SFXN2: variants seen among roughly 807,000 people sequenced by gnomAD.
SFXN2 encodes sideroflexin-2.
SFXN2 carries 37 observed loss-of-function variants against 41.9 expected under a neutral mutation model. The ratio of observed to expected loss-of-function variants is 0.88; its 90% CI spans 0.68 to 1.16. The LOEUF is 1.16. Ranked by LOEUF, SFXN2 falls within the 50% of genes most tolerant of loss-of-function variation. SFXN2 has a pLI of 0.00. For synonymous variants in SFXN2, 150 were observed against 156.7 expected, an observed-to-expected ratio of 0.96 and a Z score of 0.32; for missense variants, 386 against 425.2, an observed-to-expected ratio of 0.91 and a Z score of 0.81.
chr10:102,729,306 T>A lies in SFXN2; in HGVS notation c.432-13T>A. 6 of 1,613,570 alleles carry A rather than the reference T, an allele frequency of 3.7e-6. No homozygotes were observed. Among genetic ancestry groups the A allele is most frequent in the Non-Finnish European group, 5.1e-6 (6 of 1,179,680 alleles). ...CAGGGGCCCCACTCCCAAGCATCTC[T>A]CTCCTCCCCCAGGCAGATGGCCCTT... is the stretch of plus-strand genomic sequence containing the variant. On this transcript the variant is annotated splice_polypyrimidine_tract_variant and intron_variant, in intron 4 of 11. Coordinates refer to ENST00000369893, the MANE Select transcript of SFXN2 (RefSeq NM_178858.6).
chr10:102,732,519 G>A (rs1369862732), intron 8 of SFXN2, among the ~76,000 whole-genome samples: 1 of 152,198 alleles, frequency 6.6e-6, no homozygotes, highest in Non-Finnish European at 1.5e-5. Flanking sequence ...CCCTGCTTTG[G>A]TTTGCTTCCA....
intron 11 of SFXN2, among the ~76,000 whole-genome samples, chr10:102,737,220 C>T (rs2064792915): frequency 6.6e-6 from 1 of 152,042 alleles, no homozygotes; most frequent in South Asian, 2.1e-4. Flanking sequence ...ACCGAAACCC[C>T]TCTATTTCCT....
intron 9 of SFXN2, among the ~76,000 whole-genome samples, chr10:102,733,293 G>A (rs1476198656): frequency 1.4e-5 from 2 of 143,670 alleles, no homozygotes; most frequent in Non-Finnish European, 3.0e-5. Context: ...GACTACAGGT[G>A]CCTGCCACCA....
intron 1 of SFXN2, among the ~76,000 whole-genome samples, chr10:102,717,962 A>C (rs1250433288): frequency 6.6e-6 from 1 of 152,234 alleles, no homozygotes; most frequent in Admixed American, 6.5e-5. Flanking sequence ...AGGATGCTGT[A>C]GGAGTATATA....
intron 9 of SFXN2, 74 bp downstream of exon 9, chr10:102,732,982 C>A (rs958023532): frequency 2.7e-6 from 4 of 1,458,146 alleles, no homozygotes; most frequent in Admixed American, 3.4e-5. Context: ...GGATACCTGA[C>A]CTGCCCTCCC....
At position 102,721,556 on chromosome 10, in the gene SFXN2, A is replaced by G. The variant is rs548264611; in HGVS notation, c.-25-5056A>G. On this transcript the variant is annotated intron_variant, in intron 1 of 11. Coordinates refer to ENST00000369893, the MANE Select transcript of SFXN2 (RefSeq NM_178858.6). ...TGTCTATATAAATAAATGTATATAT[A>G]AATTTATATATTATAAATATATGTT... Among the ~76,000 whole-genome samples the G allele has an allele frequency of 1.4e-3, 210 of 147,684 alleles. 1 individual carries two copies. The highest frequency in any genetic ancestry group is 5.0e-3 in the African/African-American group (203 of 40,890).
intron 6 of SFXN2, among the ~76,000 whole-genome samples, chr10:102,730,959 G>T (rs1475161712): frequency 6.6e-6 from 1 of 152,028 alleles, no homozygotes; most frequent in African/African-American, 2.4e-5. Flanking sequence ...ATGGTGGCGG[G>T]TGCCTGTAGT....
rs1458708390 is a variant in SFXN2, at chr10:102,739,939, A to G, written c.*2177A>G. 6.6e-6 allele frequency: 1 copy of G among 151,686 alleles called. No homozygotes were observed. The highest frequency in any genetic ancestry group is 1.5e-5 in the Non-Finnish European group (1 of 67,962). The allele number at this position is 151,686 out of a possible 1,614,324, so 9.4% of individuals were successfully genotyped here. On this transcript the variant is annotated 3_prime_UTR_variant, in exon 12 of 12. Transcript: ENST00000369893. ...AGAAAACACATCAGAATTAGCTGGC[A>G]GGCTTGTTAAAGCACAGATTGCAGG... is the stretch of plus-strand genomic sequence containing the variant.
chr10:102,737,602 C>G (rs1431066274), intron 11 of SFXN2, 61 bp from the exon 12 acceptor site: 5 of 1,088,836 alleles, frequency 4.6e-6, no homozygotes, highest in Non-Finnish European at 7.0e-6. Flanking sequence ...TGATATTCAT[C>G]TGAGGGTAAC....
At chr10:102,719,400 T>A (rs2064472817) in intron 1 of SFXN2, among the ~76,000 whole-genome samples, 1 of 151,688 alleles carries the variant, frequency 6.6e-6, no homozygotes, top group Admixed American at 6.6e-5. Flanking sequence ...TTTTGTATTT[T>A]TTTTTTTTAT....
intron 10 of SFXN2, 43 bp downstream of exon 10, chr10:102,733,646 G>T: frequency 6.5e-7 from 1 of 1,549,336 alleles, no homozygotes; most frequent in Non-Finnish European, 8.9e-7. Context: ...CGTGGCTGGA[G>T]CACTCAAGAT....
intron 10 of SFXN2, among the ~76,000 whole-genome samples, chr10:102,733,820 C>T (rs2064737042): frequency 6.6e-6 from 1 of 152,146 alleles, no homozygotes; most frequent in Non-Finnish European, 1.5e-5. Context: ...GTAGGAAGTC[C>T]AGTGCTGAGG....
chr10:102,730,825 C>G (rs534796171), intron 6 of SFXN2, among the ~76,000 whole-genome samples: 1 of 152,220 alleles, frequency 6.6e-6, no homozygotes, highest in Non-Finnish European at 1.5e-5. Context: ...TGGTAGCTCA[C>G]GCCTGTAATC....
intron 11 of SFXN2, 90 bp downstream of exon 11, chr10:102,735,999 G>A (rs375717083): frequency 1.6e-6 from 2 of 1,247,866 alleles, no homozygotes; most frequent in Admixed American, 1.7e-5. Flanking sequence ...AGACAGGGAA[G>A]GGGCAGGAAG....
chr10:102,726,689 G>T lies in SFXN2; in HGVS notation c.53G>T (p.Arg18Leu). 6.2e-7 allele frequency: 1 copy of T among 1,614,222 alleles called. No individual in the cohort carries two copies. The highest frequency in any genetic ancestry group is 8.5e-7 in the Non-Finnish European group (1 of 1,180,032). The change falls in exon 2 of 12, where the codon CGC becomes CTC. Residue 18 changes from arginine (R) to leucine (L), a missense_variant. Physicochemically the swap from Arg to Leu is moderately radical, Grantham distance 102. Transcript: ENST00000369893. ...FNIDAPRWDQ[R>L]TFLGRVKHFL... ...ATCGATGCCCCCCGTTGGGACCAGC[G>T]CACCTTCCTGGGGAGAGTGAAGCAC...
chr10:102,737,822 G>C lies in SFXN2; in HGVS notation c.*60G>C, dbSNP rs1478409147. 7.7e-6 allele frequency: 9 copies of C among 1,175,960 alleles called. No individual in the cohort carries two copies. The highest frequency in any genetic ancestry group is 1.3e-5 in the South Asian group (1 of 77,388). The allele number at this position is 1,175,960 out of a possible 1,614,324, so 72.8% of individuals were successfully genotyped here. A position where few individuals can be genotyped will look rare whatever the true frequency, so the allele number is the denominator to read the frequency against. On this transcript the variant is annotated 3_prime_UTR_variant, in exon 12 of 12. Coordinates refer to ENST00000369893, the MANE Select transcript of SFXN2 (RefSeq NM_178858.6). ...TATTCACCAGCTCCTCCTTAGCTAC[G>C]TGCACACTTGTGTCCTCCTTCCCCT...
chr10:102,729,375 G>T lies in SFXN2; in HGVS notation c.488G>T (p.Gly163Val). Residue 163 changes from glycine to valine, a missense_variant, in exon 5 of 12, where the codon GGC (glycine) becomes GTC (valine). Transcript: ENST00000369893. ...ATTTAVATAV[G>V]MNMLTKKAPP... ...ACCACTGCTGTGGCCACGGCTGTGG[G>T]CATGAACATGTTGACAAAGGTATGG... The T allele has an allele frequency of 1.2e-6, 2 of 1,614,150 alleles. No individual in the cohort carries two copies. Among genetic ancestry groups the T allele is most frequent in the Non-Finnish European group, 8.5e-7 (1 of 1,180,020 alleles).
chr10:102,718,450 C>T (rs1251942829), intron 1 of SFXN2, among the ~76,000 whole-genome samples: 8 of 152,238 alleles, frequency 5.3e-5, no homozygotes, highest in Admixed American at 5.2e-4. Flanking sequence ...ACTCTTTCCC[C>T]TCCTCCCACT....
chr10:102,715,263 C>A, intron 1 of SFXN2: 1 of 153,554 alleles, frequency 6.5e-6, no homozygotes, highest in South Asian at 1.9e-4. Flanking sequence ...GGCTCGAACT[C>A]CTGGGGTCAA....
Sources: allele counts gnomAD v4.1 joint callset (sites outside exome capture counted in the v4.1 genomes callset), GRCh38; gene constraint gnomAD v4.1.1; transcripts MANE v1.5; gene names NCBI Gene and HGNC (gene_info 2026-07-23, HGNC 2026-07-21).